RBM5: variants seen among roughly 807,000 people sequenced by gnomAD.
RBM5 encodes RNA binding motif protein 5, also known as RNA-binding protein 5.
Under a neutral mutation model 124.6 loss-of-function variants are expected in RBM5, and 15 were observed. The observed-to-expected ratio is 0.12, with a 90% CI of 0.08 to 0.19. The LOEUF (loss-of-function observed/expected upper bound fraction) is 0.19. Among genes scored for constraint, RBM5 ranks in the 10% least tolerant of loss-of-function variants. The pLI is 1.00. For missense variants in RBM5, 580 were observed against 1,026.5 expected (o/e 0.57, Z 5.94); for synonymous variants, 337 against 361.2 (o/e 0.93, Z 0.76).
At position 50,092,161 on chromosome 3, in the gene RBM5, C is replaced by T. The variant is rs369019054; in HGVS notation, c.136C>T (p.Arg46Trp). The change falls in exon 3 of 25, where the codon CGG (arginine) becomes TGG (tryptophan). Residue 46 changes from arginine (R) to tryptophan (W), a missense_variant. Physicochemically the swap from Arg to Trp is moderately radical, Grantham distance 101. This residue lies in a region of RBM5 where 99 missense variants were observed against 121.1 expected (regional missense o/e 0.82). Transcript: ENST00000347869. ...DSDYKRSSDD[R>W]RGDRYDDYRD... ...AGATTACAAAAGATCTAGTGATGAT[C>T]GGAGGGGTGATAGATATGATGACTA... The T allele has an allele frequency of 3.1e-6, 5 of 1,613,648 alleles. No individual in the cohort carries two copies. Among genetic ancestry groups the T allele is most frequent in the Non-Finnish European group, 4.2e-6 (5 of 1,179,966 alleles).
At position 50,100,092 on chromosome 3, in the gene RBM5, C is replaced by T; in HGVS notation, c.409+41C>T. 1 of 1,551,228 alleles carries T rather than the reference C, an allele frequency of 6.4e-7. No homozygotes were observed. Among genetic ancestry groups the T allele is most frequent in the Non-Finnish European group, 8.9e-7 (1 of 1,127,210 alleles). ...GTTCCTGATATTATTGTTCTCTTCC[C>T]CATTCCCACCTCAGTCCCTAAAGAA... On this transcript the variant is annotated intron_variant, in intron 5 of 24. Transcript: ENST00000347869. This position sits in a 1 kb window ranked among gnomAD's most constrained non-coding sequence, Gnocchi z 5.1.
chr3:50,092,508 G>T (rs991123785), intron 3 of RBM5, among the ~76,000 whole-genome samples: 3 of 150,804 alleles, frequency 2.0e-5, no homozygotes, highest in Admixed American at 1.3e-4. Flanking sequence ...GTTGCAGTGA[G>T]CTGAGATTGT....
chr3:50,093,745 A>G lies in RBM5; in HGVS notation c.209A>G (p.Asp70Gly). The G allele has an allele frequency of 6.2e-7, 1 of 1,613,828 alleles. No individual in the cohort carries two copies. The change falls in exon 4 of 25, where the codon GAC becomes GGC. Residue 70 changes from aspartate to glycine, a missense_variant. Asp to Gly is a moderately conservative substitution (Grantham distance 94). Around this residue, in one of 6 missense-constraint regions of RBM5, gnomAD observed 99 missense variants for 121.1 expected, o/e 0.82. Transcript: ENST00000347869. ...PERERERRNS[D>G]RSEDGYHSDG... Reference sequence around the variant, plus strand: ...AGAGAGCGTGAAAGAAGGAACAGTGACCGATCCGAAGATGGCTACCATTCA... The same window carrying G: ...AGAGAGCGTGAAAGAAGGAACAGTGGCCGATCCGAAGATGGCTACCATTCA...
At chr3:50,110,337 G>C in intron 15 of RBM5, 42 bp from the exon 16 acceptor site, 2 of 1,559,524 alleles carry the variant, frequency 1.3e-6, no homozygotes, top group South Asian at 1.1e-5. Context: ...CTCTTAAAAG[G>C]CTTTACAGTT....
intron 8 of RBM5, 77 bp downstream of exon 8, chr3:50,104,385 C>A: frequency 7.0e-7 from 1 of 1,425,254 alleles, no homozygotes; most frequent in East Asian, 2.3e-5. Context: ...TCACTGTAAT[C>A]CCACCACTTT....
At position 50,092,175 on chromosome 3, in the gene RBM5, A is replaced by G. The variant is rs745523660; in HGVS notation, c.150A>G (p.Arg50=). The stretch of plus-strand genomic sequence containing the variant: ...CTAGTGATGATCGGAGGGGTGATAG[A>G]TATGATGACTACCGAGACTATGACA... The part of the protein sequence containing the change: ...KRSSDDRRGD[R]YDDYRDYDSP... The change falls in exon 3 of 25, where the codon AGA becomes AGG. Residue 50 remains arginine, a synonymous_variant. Transcript: ENST00000347869. The G allele has an allele frequency of 2.5e-6, 4 of 1,613,960 alleles. No individual in the cohort carries two copies. Among genetic ancestry groups the G allele is most frequent in the Non-Finnish European group, 3.4e-6 (4 of 1,180,024 alleles).
Position 50,104,195 on chromosome 3 carries a change from A to C in RBM5, c.568-53A>C. The C allele has an allele frequency of 1.6e-5, 24 of 1,513,494 alleles. No individual in the cohort carries two copies. The South Asian group carries it at 2.7e-4, about 17-fold the overall frequency. The allele number at this position is 1,513,494 out of a possible 1,614,324, so 93.8% of individuals were successfully genotyped here. On this transcript the variant is annotated intron_variant, in intron 7 of 24. Transcript: ENST00000347869. ...CCGTGGCCCCACTGTTATTGTTACT[A>C]GAAAGCCTGGCCTAATGTGAGAAAT... is the stretch of plus-strand genomic sequence containing the variant.
intron 4 of RBM5, among the ~76,000 whole-genome samples, chr3:50,096,095 A>G (rs1575304119): frequency 6.6e-6 from 1 of 152,162 alleles, no homozygotes; most frequent in Non-Finnish European, 1.5e-5. Context: ...TACACTGTAC[A>G]TGTTAGATGC....
Position 50,100,074 on chromosome 3 carries a change from A to G in RBM5, c.409+23A>G, listed in dbSNP as rs753406922. 3.7e-6 allele frequency: 6 copies of G among 1,607,610 alleles called. No individual in the cohort carries two copies. Among genetic ancestry groups the G allele is most frequent in the Non-Finnish European group, 5.1e-6 (6 of 1,175,694 alleles). ...CAGGTGAGAGCTTGCTTAGTTCCTG[A>G]TATTATTGTTCTCTTCCCCATTCCC... On this transcript the variant is annotated intron_variant, in intron 5 of 24. Coordinates refer to ENST00000347869, the MANE Select transcript of RBM5 (RefSeq NM_005778.4). The surrounding 1 kb of genome is among the most constrained non-coding windows in gnomAD (Gnocchi z 5.1).
At position 50,114,259 on chromosome 3, in the gene RBM5, A is replaced by G; in HGVS notation, c.1839+8A>G. Reference sequence around the variant, plus strand: ...GAGGAGAATCCCCTCAAAGTAAGGGAGTACCACCAGTGTTTTAAAGACCCT... The same window carrying G: ...GAGGAGAATCCCCTCAAAGTAAGGGGGTACCACCAGTGTTTTAAAGACCCT... On this transcript the variant is annotated splice_region_variant and intron_variant, in intron 20 of 24. Coordinates refer to ENST00000347869, the MANE Select transcript of RBM5 (RefSeq NM_005778.4). 2 of 1,597,954 alleles carry G rather than the reference A, an allele frequency of 1.3e-6. No individual in the cohort carries two copies.
At position 50,100,132 on chromosome 3, in the gene RBM5, C is replaced by G. The variant is rs1575312718; in HGVS notation, c.409+81C>G. On this transcript the variant is annotated intron_variant, in intron 5 of 24. Transcript: ENST00000347869. This position sits in a 1 kb window ranked among gnomAD's most constrained non-coding sequence, Gnocchi z 5.1. ...TCCCTAAAGAACATCCTGATTCCCC[C>G]AGTCTTCAAGCACATGAATTCAGAA... The G allele has an allele frequency of 3.2e-6, 4 of 1,253,262 alleles. No homozygotes were observed. The highest frequency in any genetic ancestry group is 4.6e-6 in the Non-Finnish European group (4 of 878,808). 77.6% of individuals were successfully genotyped at this position (1,253,262 alleles called of 1,614,324 possible).
At chr3:50,092,017 A>G (rs576719141) in intron 2 of RBM5, 26 bp from the exon 3 acceptor site, 2 of 1,611,424 alleles carry the variant, frequency 1.2e-6, no homozygotes, top group Non-Finnish European at 1.7e-6. Flanking sequence ...GACTGACTTT[A>G]GAATGAAAAT....
At chr3:50,103,028 A>G in intron 6 of RBM5, 55 bp from the exon 7 acceptor site, 1 of 1,394,180 alleles carries the variant, frequency 7.2e-7, no homozygotes, top group Non-Finnish European at 1.0e-6. Flanking sequence ...CTGCCCTGGG[A>G]AAATGGACAC....
intron 4 of RBM5, among the ~76,000 whole-genome samples, chr3:50,097,459 G>T (rs1235732877): frequency 1.3e-5 from 2 of 152,010 alleles, no homozygotes; most frequent in African/African-American, 2.4e-5. Flanking sequence ...ATGAGTGGTT[G>T]AATTCACAGG....
In RBM5 at chr3:50,117,684, G is replaced by A. The variant is rs996576917; in HGVS notation, c.2322+305G>A. On this transcript the variant is annotated intron_variant, in intron 24 of 24. Transcript: ENST00000347869. The surrounding 1 kb of genome is among the most constrained non-coding windows in gnomAD (Gnocchi z 4.2). ...TAATCCCAGCTAGTCAGGAAGCTGA[G>A]GCAGGAGAATTGCTAGAACCTGGCA... 1 of 240,496 alleles carries A rather than the reference G, an allele frequency of 4.2e-6. No individual in the cohort carries two copies. The highest frequency in any genetic ancestry group is 8.7e-5 in the East Asian group (1 of 11,430). The allele number at this position is 240,496 out of a possible 1,614,324, so 14.9% of individuals were successfully genotyped here.
Position 50,109,610 on chromosome 3 carries a change from A to G in RBM5, c.1200A>G (p.Ala400=). 6.2e-7 allele frequency: 1 copy of G among 1,613,986 alleles called. No individual in the cohort carries two copies. The highest frequency in any genetic ancestry group is 8.5e-7 in the Non-Finnish European group (1 of 1,179,860). The change falls in exon 15 of 25, where the codon GCA becomes GCG. Residue 400 remains alanine, a synonymous_variant. Transcript: ENST00000347869. ...ACTTGTGTTTATCATCAGGCACAGC[A>G]GTGACCACCACCTCAGCGGCTGTAG... ...ESDASSASGT[A]VTTTSAAVVS...
chr3:50,099,998 A>G lies in RBM5; in HGVS notation c.356A>G (p.Glu119Gly), dbSNP rs1334781318. Residue 119 changes from glutamate to glycine, a missense_variant, in exon 5 of 25, where the codon GAG (glutamate) becomes GGG (glycine). Glu to Gly is a moderately conservative substitution (Grantham distance 98, BLOSUM62 -2). Coordinates refer to ENST00000347869, the MANE Select transcript of RBM5 (RefSeq NM_005778.4). The part of the protein sequence containing the change: ...ITESDIREMM[E>G]SFEGPQPADV... Reference sequence around the variant, plus strand: ...CCTGTGCAGATTCGAGAAATGATGGAGTCCTTCGAAGGCCCTCAGCCTGCG... The same window carrying G: ...CCTGTGCAGATTCGAGAAATGATGGGGTCCTTCGAAGGCCCTCAGCCTGCG... 2 of 1,613,722 alleles carry G rather than the reference A, an allele frequency of 1.2e-6. No individual in the cohort carries two copies. Among genetic ancestry groups the G allele is most frequent in the Non-Finnish European group, 8.5e-7 (1 of 1,179,888 alleles).
At chr3:50,092,941 ATCTTTTTTT>A in intron 3 of RBM5, 2 of 109,978 alleles carry the variant, frequency 1.8e-5, no homozygotes, top group Non-Finnish European at 3.5e-5. Context: ...ATCTTGATAT[ATCTTTTTTT>A]TTTTTTTTTT....
At position 50,113,929 on chromosome 3, in the gene RBM5, G is replaced by T. The variant is rs1288768978; in HGVS notation, c.1618-21G>T. On this transcript the variant is annotated intron_variant, in intron 18 of 24. Transcript: ENST00000347869. ...CAGGGGATTAAATATTTTTTTGTTG[G>T]TGTTTGTTGTTTGACATTAGATTGC... The T allele has an allele frequency of 8.1e-6, 13 of 1,603,430 alleles. No individual in the cohort carries two copies. The Admixed American group carries it at 1.0e-4, about 13-fold the overall frequency.
Sources: allele counts gnomAD v4.1 joint callset (sites outside exome capture counted in the v4.1 genomes callset), GRCh38; gene constraint gnomAD v4.1.1; regional missense constraint gnomAD v4.1.1; non-coding constraint Gnocchi (gnomAD v3.1); transcripts MANE v1.5; gene names NCBI Gene and HGNC (gene_info 2026-07-23, HGNC 2026-07-21).